ZSCAN5C: variants seen among roughly 807,000 people sequenced by gnomAD.
The protein encoded by ZSCAN5C is zinc finger and SCAN domain containing 5C, also known as zinc finger and SCAN domain-containing protein 5C.
A neutral mutation model predicts 17.3 loss-of-function variants in ZSCAN5C; 11 were observed. The observed-to-expected ratio is 0.64, with a 90% CI of 0.40 to 1.06. ZSCAN5C has a LOEUF of 1.06. ZSCAN5C is among the 50% of genes least tolerant of loss of function. The pLI, the probability that ZSCAN5C is intolerant of heterozygous loss-of-function variation, is 0.00. For synonymous variants in ZSCAN5C, 229 were observed against 208.4 expected, an observed-to-expected ratio of 1.10 and a Z score of -0.85; for missense variants, 698 against 538.9, an observed-to-expected ratio of 1.30 and a Z score of -2.92.
At position 56,205,735 on chromosome 19, in the gene ZSCAN5C, G is replaced by A. The variant is rs1429780035; in HGVS notation, c.-127-52G>A. ...ATTGGGATGAGGGATTTGGAAGGAT[G>A]GGGTGGGTAGAGTAGAAACTTTAAC... On this transcript the variant is annotated intron_variant, in intron 1 of 4. Coordinates refer to ENST00000534327, the Ensembl canonical transcript of ZSCAN5C. 3 of 568,952 alleles carry A rather than the reference G, an allele frequency of 5.3e-6. No homozygotes were observed. In the East Asian group the frequency reaches 8.5e-5, roughly 16 times the overall value. The allele number at this position is 568,952 out of a possible 1,614,324, so 35.2% of individuals were successfully genotyped here. A position where few individuals can be genotyped will look rare whatever the true frequency, so the allele number is the denominator to read the frequency against.
exon 2 of ZSCAN5C, chr19:56,206,284 G>A (rs111342645): frequency 6.6e-6 from 10 of 1,524,258 alleles, no homozygotes; most frequent in Non-Finnish European, 7.9e-6. Context: ...AATAACAGAA[G>A]ACCCAAGAAA....
exon 5 of ZSCAN5C, chr19:56,208,620 C>T: frequency 6.2e-7 from 1 of 1,607,670 alleles, no homozygotes; most frequent in Non-Finnish European, 8.5e-7. Flanking sequence ...AAACCAGACG[C>T]CACCTCCATT....
chr19:56,208,226 C>T (rs753814364), intron 4 of ZSCAN5C, 42 bp downstream of exon 4: 3 of 737,130 alleles, frequency 4.1e-6, no homozygotes, highest in Non-Finnish European at 7.5e-6. Flanking sequence ...TAGCCCCTCT[C>T]TTCTGGGGTG....
At chr19:56,209,177 C>T (rs1215862265) in exon 5 of ZSCAN5C, 3 of 923,450 alleles carry the variant, frequency 3.2e-6, no homozygotes, top group Admixed American at 4.2e-5. Flanking sequence ...CCAGAAAACA[C>T]ATCGAGAAGC....
chr19:56,205,471 A>G (rs1247604455), intron 1 of ZSCAN5C, among the ~76,000 whole-genome samples: 2 of 152,052 alleles, frequency 1.3e-5, no homozygotes, highest in East Asian at 3.9e-4. Context: ...TGATTGTTAT[A>G]TCAGATTTTA....
exon 4 of ZSCAN5C, chr19:56,208,036 A>T (rs12979551): frequency 2.3e-5 from 17 of 725,104 alleles, no homozygotes; most frequent in Non-Finnish European, 3.6e-5. Context: ...ATTCTCAGGA[A>T]GAGGACTTCC....
intron 2 of ZSCAN5C, 89 bp from the exon 3 acceptor site, chr19:56,206,970 A>G (rs935766765): frequency 2.1e-4 from 134 of 635,954 alleles, no homozygotes; most frequent in East Asian, 9.0e-4. Flanking sequence ...AATTACAGTA[A>G]AGTGTGAGCA....
At chr19:56,208,720 C>A (rs764732713) in exon 5 of ZSCAN5C, 3 of 1,612,438 alleles carry the variant, frequency 1.9e-6, no homozygotes, top group Middle Eastern at 3.3e-4. Context: ...ATTCCCCAGG[C>A]CCTGCGGGCC....
At chr19:56,202,650 C>T (rs950733058) in intron 1 of ZSCAN5C, among the ~76,000 whole-genome samples, 7 of 151,898 alleles carry the variant, frequency 4.6e-5, no homozygotes, top group Non-Finnish European at 1.0e-4. Context: ...AATTCCCGGA[C>T]TCAAACGATC....
chr19:56,206,056 G>A, exon 2 of ZSCAN5C: 1 of 1,613,142 alleles, frequency 6.2e-7, no homozygotes, highest in Non-Finnish European at 8.5e-7. Flanking sequence ...GTGAACTTCA[G>A]GATGTTCAGC....
exon 5 of ZSCAN5C, chr19:56,208,962 A>C: frequency 6.2e-7 from 1 of 1,613,622 alleles, no homozygotes; most frequent in Non-Finnish European, 8.5e-7. Context: ...GACATCTGCC[A>C]GAAGCAGTTC....
At chr19:56,207,550 C>T (rs2032937747) in intron 3 of ZSCAN5C, among the ~76,000 whole-genome samples, 2 of 151,736 alleles carry the variant, frequency 1.3e-5, no homozygotes, top group South Asian at 4.1e-4. Context: ...AAGGTCCCAT[C>T]CCCATCCAGT....
chr19:56,202,870 A>G (rs1220312733), intron 1 of ZSCAN5C, among the ~76,000 whole-genome samples: 1 of 151,960 alleles, frequency 6.6e-6, no homozygotes, highest in Non-Finnish European at 1.5e-5. Context: ...CACTTGTTAA[A>G]AAGCATCGCT....
In ZSCAN5C at chr19:56,205,808, C is replaced by G; in HGVS notation, c.-106C>G. The stretch of plus-strand genomic sequence containing the variant: ...GCAGACTTCTGAATGAACAGTGAAT[C>G]TATTACTGAGAAAAACCAGGGGTGG... On this transcript the variant is annotated 5_prime_UTR_variant, in exon 2 of 5. In the 5' UTR this introduces an upstream ATG that the reference lacks. Coordinates refer to ENST00000534327, the Ensembl canonical transcript of ZSCAN5C. 1 of 605,696 alleles carries G rather than the reference C, an allele frequency of 1.7e-6. No homozygotes were observed. Among genetic ancestry groups the G allele is most frequent in the Non-Finnish European group, 2.9e-6 (1 of 340,258 alleles). 37.5% of individuals were successfully genotyped at this position (605,696 alleles called of 1,614,324 possible). A position where few individuals can be genotyped will look rare whatever the true frequency, so the allele number is the denominator to read the frequency against.
chr19:56,205,695 G>T (rs945134012), intron 1 of ZSCAN5C, 92 bp from the exon 2 acceptor site: 2 of 537,138 alleles, frequency 3.7e-6, no homozygotes, highest in South Asian at 2.6e-5. Context: ...TGCTAGAGGG[G>T]AAGTGGGGTC....
Position 56,207,279 on chromosome 19 carries a change from T to A in ZSCAN5C, c.588+17T>A. 1.3e-6 allele frequency: 1 copy of A among 768,618 alleles called. No homozygotes were observed. The highest frequency in any genetic ancestry group is 2.4e-6 in the Non-Finnish European group (1 of 411,848). 47.6% of individuals were successfully genotyped at this position (768,618 alleles called of 1,614,324 possible). On this transcript the variant is annotated intron_variant, in intron 3 of 4. Coordinates refer to ENST00000534327, the Ensembl canonical transcript of ZSCAN5C. ...AGGAGGCAGGTGGGTGTGTGAGGCC[T>A]TGGTGTCTGGGCAGAGGTGGGAGAA... is the stretch of plus-strand genomic sequence containing the variant.
exon 5 of ZSCAN5C, chr19:56,209,166 A>G (rs1404398580): frequency 9.4e-7 from 1 of 1,061,352 alleles, no homozygotes; most frequent in East Asian, 2.5e-5. Context: ...TTAAGACGCC[A>G]CCAGAAAACA....
rs755830289 is a variant in ZSCAN5C, at chr19:56,207,051, C to G, written c.385-8C>G. The stretch of plus-strand genomic sequence containing the variant: ...TAGTTAGTCTGATTGCTTTTTTTCT[C>G]TCTATAGTCTGTAGTCAGTTTTCTT... On this transcript the variant is annotated splice_region_variant and splice_polypyrimidine_tract_variant and intron_variant, in intron 2 of 4. Coordinates refer to ENST00000534327, the Ensembl canonical transcript of ZSCAN5C. The G allele has an allele frequency of 2.8e-5, 20 of 710,042 alleles. 1 individual carries two copies. In the East Asian group the frequency reaches 5.0e-4, roughly 18 times the overall value. 44.0% of individuals were successfully genotyped at this position (710,042 alleles called of 1,614,324 possible). A position where few individuals can be genotyped will look rare whatever the true frequency, so the allele number is the denominator to read the frequency against.
intron 3 of ZSCAN5C, among the ~76,000 whole-genome samples, 156 bp downstream of exon 3, chr19:56,207,418 T>C (rs529193498): frequency 6.6e-6 from 1 of 151,678 alleles, no homozygotes; most frequent in Non-Finnish European, 1.5e-5. Context: ...TCCTGAGCCA[T>C]CACAGAGAGG....
Sources: gnomAD v4.1 joint callset for allele counts (sites outside exome capture counted in the v4.1 genomes callset) on GRCh38, gnomAD v4.1.1 for gene constraint, MANE v1.5 for transcripts, NCBI Gene and HGNC (gene_info 2026-07-23, HGNC 2026-07-21) for gene names.